The following GAS6 variants were observed in gnomAD, a reference collection of about 807,000 sequenced individuals.
The protein encoded by GAS6 is growth arrest-specific protein 6.
A neutral mutation model predicts 75.8 loss-of-function variants in GAS6; 41 were observed. The observed-to-expected ratio is 0.54, with a 90% CI of 0.42 to 0.70. The LOEUF (loss-of-function observed/expected upper bound fraction) is 0.70, where lower values mean the gene tolerates loss of function less well. Ranked by LOEUF, GAS6 falls within the 30% of genes least tolerant of loss-of-function variation. The pLI, the probability that GAS6 is intolerant of heterozygous loss-of-function variation, is 0.00. For synonymous variants in GAS6, 432 were observed against 412.6 expected (o/e 1.05, Z -0.57); for missense variants, 854 against 940.2 (o/e 0.91, Z 1.20).
At chr13:113,827,211 C>A in intron 11 of GAS6, 47 bp from the exon 12 acceptor site, 1 of 1,591,040 alleles carries the variant, frequency 6.3e-7, no homozygotes, top group East Asian at 2.2e-5. Flanking sequence ...GCGAGAAGCC[C>A]CATGCCGGAT....
At chr13:113,846,284 C>T (rs1202217024) in intron 4 of GAS6, among the ~76,000 whole-genome samples, 1 of 152,234 alleles carries the variant, frequency 6.6e-6, no homozygotes. Flanking sequence ...CGGGGATGGG[C>T]TTTCACATCA....
At chr13:113,835,158 C>T (rs1445714538) in intron 7 of GAS6, among the ~76,000 whole-genome samples, 1 of 152,256 alleles carries the variant, frequency 6.6e-6, no homozygotes, top group Admixed American at 6.5e-5. Flanking sequence ...CCAACAGGGC[C>T]CTCCCCATGG....
intron 11 of GAS6, 128 bp downstream of exon 11, chr13:113,828,419 C>T: frequency 1.1e-6 from 1 of 888,142 alleles, no homozygotes; most frequent in East Asian, 3.0e-5. Flanking sequence ...GAAACCTTTC[C>T]TTCCTCTAGG....
chr13:113,825,877 C>G (rs565701721), intron 12 of GAS6, among the ~76,000 whole-genome samples: 1 of 152,172 alleles, frequency 6.6e-6, no homozygotes, highest in African/African-American at 2.4e-5. Context: ...CCCTTTGCTC[C>G]GCGTGGATCC....
chr13:113,831,082 G>A (rs2138628984), intron 10 of GAS6, among the ~76,000 whole-genome samples: 1 of 152,408 alleles, frequency 6.6e-6, no homozygotes. Flanking sequence ...CCAGTATGGT[G>A]AGGGAGGCCC....
intron 2 of GAS6, among the ~76,000 whole-genome samples, chr13:113,861,278 C>T (rs1208808199): frequency 6.6e-6 from 1 of 152,200 alleles, no homozygotes; most frequent in Non-Finnish European, 1.5e-5. Context: ...TAACGGCGGC[C>T]AGGCACTTCC....
rs2051995756 is a variant in GAS6, at chr13:113,863,971, C to T, written c.-51G>A. ...GCGCCCGGGAGGCCGAGGCGAGCCG[C>T]GGGCGCCGCGGGGCGGAGGCTCCGG... On this transcript the variant is annotated 5_prime_UTR_variant, in exon 1 of 15. Coordinates refer to ENST00000327773, the MANE Select transcript of GAS6 (RefSeq NM_000820.4). This position sits in a 1 kb window ranked among gnomAD's most constrained non-coding sequence, Gnocchi z 9.4. 9.7e-7 allele frequency: 1 copy of T among 1,028,780 alleles called. No homozygotes were observed. The highest frequency in any genetic ancestry group is 1.2e-6 in the Non-Finnish European group (1 of 860,340). 63.7% of individuals were successfully genotyped at this position (1,028,780 alleles called of 1,614,324 possible). A position where few individuals can be genotyped will look rare whatever the true frequency, so the allele number is the denominator to read the frequency against.
At chr13:113,857,801 T>A (rs1269584140) in intron 2 of GAS6, among the ~76,000 whole-genome samples, 1 of 152,188 alleles carries the variant, frequency 6.6e-6, no homozygotes, top group East Asian at 1.9e-4. Context: ...GCTCTCCGGC[T>A]CGGGTGAGGG....
intron 14 of GAS6, 141 bp from the exon 15 acceptor site, chr13:113,821,159 G>C (rs994149897): frequency 5.7e-6 from 5 of 874,028 alleles, no homozygotes; most frequent in Non-Finnish European, 7.0e-6. Context: ...CTAACTTCTC[G>C]GTCCCCGTTC....
intron 8 of GAS6, chr13:113,833,380 CA>C (rs1315361824): frequency 1.0e-6 from 1 of 995,476 alleles, no homozygotes; most frequent in East Asian, 1.1e-4. Flanking sequence ...AGCCCAGACC[CA>C]AGAGCCCCAC....
In GAS6 at chr13:113,822,177, G is replaced by C. The variant is rs1218038969; in HGVS notation, c.1663C>G (p.Leu555Val). The change falls in exon 14 of 15, where the codon CTG becomes GTG. Residue 555 changes from leucine to valine, a missense_variant. Leu to Val is a conservative substitution (Grantham distance 32). Transcript: ENST00000327773. Reference sequence around the variant, plus strand: ...GCCAAGGCCGTATGCTCCACGGCCAGGACCACCAGCTGCAGGAGACCGAGG... The same window carrying C: ...GCCAAGGCCGTATGCTCCACGGCCACGACCACCAGCTGCAGGAGACCGAGG... ...TKKLKKQLVVLAVEHTALALM... is the reference protein window; with the variant it reads ...TKKLKKQLVVVAVEHTALALM... The C allele has an allele frequency of 6.4e-7, 1 of 1,552,476 alleles. No homozygotes were observed. Among genetic ancestry groups the C allele is most frequent in the Non-Finnish European group, 8.7e-7 (1 of 1,143,496 alleles).
intron 7 of GAS6, 87 bp from the exon 8 acceptor site, chr13:113,834,759 C>G (rs544577544): frequency 1.5e-6 from 2 of 1,291,322 alleles, no homozygotes; most frequent in African/African-American, 1.5e-5. Flanking sequence ...TCAAACCACA[C>G]GCAAGGTGCG....
At chr13:113,857,688 A>G (rs1161053808) in intron 2 of GAS6, among the ~76,000 whole-genome samples, 1 of 152,258 alleles carries the variant, frequency 6.6e-6, no homozygotes, top group African/African-American at 2.4e-5. Flanking sequence ...GAAAGAAGCC[A>G]TAAGCACTTG....
intron 2 of GAS6, among the ~76,000 whole-genome samples, chr13:113,858,995 T>C (rs2051944289): frequency 6.6e-6 from 1 of 152,084 alleles, no homozygotes; most frequent in African/African-American, 2.4e-5. Context: ...TGTGTGCATG[T>C]ATGTATACAT....
At position 113,848,033 on chromosome 13, in the gene GAS6, T is replaced by C. The variant is rs771852271; in HGVS notation, c.273A>G (p.Arg91=). Residue 91 remains arginine (R), a synonymous_variant, in exon 3 of 15, where the codon AGA becomes AGG. Transcript: ENST00000327773. This position sits in a 1 kb window ranked among gnomAD's most constrained non-coding sequence, Gnocchi z 4.8. ...NDPETDYFYP[R]YLDCINKYGS... is the part of the protein sequence containing the mutation. ...GAAGTAATTGAGACTTACCTAAGTA[T>C]CTTGGGTAAAAATAATCCTGTGGAA... 1.2e-6 allele frequency: 2 copies of C among 1,612,898 alleles called. No individual in the cohort carries two copies. Among genetic ancestry groups the C allele is most frequent in the Non-Finnish European group, 1.7e-6 (2 of 1,179,516 alleles).
rs533734535 is a variant in GAS6, at chr13:113,837,370, G to A, written c.589+699C>T. ...ACTGTCTGTCCTGTCCACGCAGTTCGGTGTCCTGGACAGTCAGCAGCAGCG... is the reference window on the plus strand; with the variant it reads ...ACTGTCTGTCCTGTCCACGCAGTTCAGTGTCCTGGACAGTCAGCAGCAGCG... On this transcript the variant is annotated intron_variant, in intron 6 of 14. Transcript: ENST00000327773. This position sits in a 1 kb window ranked among gnomAD's most constrained non-coding sequence, Gnocchi z 5.1. Among the ~76,000 whole-genome samples the A allele has an allele frequency of 3.1e-4, 47 of 152,188 alleles. No individual in the cohort carries two copies. The East Asian group carries it at 6.8e-3, about 22-fold the overall frequency.
intron 11 of GAS6, among the ~76,000 whole-genome samples, chr13:113,828,016 C>A (rs2051573538): frequency 6.6e-6 from 1 of 152,218 alleles, no homozygotes; most frequent in Non-Finnish European, 1.5e-5. Context: ...TGGCTCACGC[C>A]TGTAATCCCA....
At chr13:113,832,992 T>C in intron 8 of GAS6, 1 of 1,417,236 alleles carries the variant, frequency 7.1e-7, no homozygotes, top group South Asian at 1.5e-5. Context: ...CGTCATCTCC[T>C]TCCCTGCTCA....
chr13:113,858,192 G>A (rs1262779601), intron 2 of GAS6, among the ~76,000 whole-genome samples: 1 of 152,264 alleles, frequency 6.6e-6, no homozygotes, highest in African/African-American at 2.4e-5. Flanking sequence ...AGAAAAGTGT[G>A]TGAGAGGGTG....
Sources: allele counts gnomAD v4.1 joint callset (sites outside exome capture counted in the v4.1 genomes callset), GRCh38; gene constraint gnomAD v4.1.1; non-coding constraint Gnocchi (gnomAD v3.1); transcripts MANE v1.5; gene names NCBI Gene and HGNC (gene_info 2026-07-23, HGNC 2026-07-21).